The following ASTN2 variants were observed in gnomAD, a reference collection of about 807,000 sequenced individuals.
ASTN2 encodes astrotactin-2.
In ASTN2, 54 loss-of-function variants were observed where a neutral mutation model predicts 139.8. The observed-to-expected ratio is 0.39, with a 90% confidence interval of 0.31 to 0.48. The LOEUF is 0.48. ASTN2 is among the 20% of genes least tolerant of loss of function. ASTN2 has a pLI of 0.95. For synonymous variants in ASTN2, 756 were observed against 719.5 expected, an observed-to-expected ratio of 1.05 and a Z score of -0.81; for missense variants, 1,565 against 1,725.1, an observed-to-expected ratio of 0.91 and a Z score of 1.64.
At chr9:116,744,256 A>G (rs887574872) in intron 13 of ASTN2, among the ~76,000 whole-genome samples, 2 of 152,182 alleles carry the variant, frequency 1.3e-5, no homozygotes, top group Non-Finnish European at 2.9e-5. Context: ...TCAAGATGCT[A>G]AAGCAGCGAG....
intron 4 of ASTN2, among the ~76,000 whole-genome samples, chr9:117,109,957 G>T (rs1324730499): frequency 6.6e-6 from 1 of 151,896 alleles, no homozygotes; most frequent in Non-Finnish European, 1.5e-5. Context: ...TTAATTGTCT[G>T]TGATTATTTG....
chr9:116,973,548 G>C (rs1354881371), intron 10 of ASTN2, among the ~76,000 whole-genome samples: 4 of 152,170 alleles, frequency 2.6e-5, no homozygotes, highest in Non-Finnish European at 5.9e-5. Flanking sequence ...AATGTCAACA[G>C]GACAGAACTA....
chr9:116,895,669 T>C (rs1206931106), intron 10 of ASTN2, among the ~76,000 whole-genome samples: 1 of 152,220 alleles, frequency 6.6e-6, no homozygotes, highest in South Asian at 2.1e-4. Flanking sequence ...AAGACTGTAT[T>C]GATTTTCTGC....
rs191365417 is a variant in ASTN2 at position 116,528,537 on chromosome 9, C to G, written c.3356-41037G>C. Among the ~76,000 whole-genome samples, 42 of 152,250 alleles carry G rather than the reference C, an allele frequency of 2.8e-4. No homozygotes were observed. In the East Asian group the frequency reaches 7.3e-3, roughly 27 times the overall value. On this transcript the variant is annotated intron_variant, in intron 19 of 22. Transcript: ENST00000313400. Reference sequence around the variant, plus strand: ...TGCCCATGTGGTAGAAAAGAAAAACCCATTTTTTGCAGAGAAATTCAAGCC... The same window carrying G: ...TGCCCATGTGGTAGAAAAGAAAAACGCATTTTTTGCAGAGAAATTCAAGCC...
At chr9:116,630,134 G>C (rs1885245) in intron 17 of ASTN2, among the ~76,000 whole-genome samples, 104,329 of 152,082 alleles carry the variant, frequency 0.69, 36,301 homozygotes, top group African/African-American at 0.8. Context: ...TTAATTTGTA[G>C]AGCAACACCA....
chr9:117,237,041 G>C (rs1032802397), intron 2 of ASTN2, among the ~76,000 whole-genome samples: 9 of 152,184 alleles, frequency 5.9e-5, no homozygotes, highest in Non-Finnish European at 1.2e-4. Flanking sequence ...CAGGATCACA[G>C]AGTGGGTGAG....
chr9:116,836,242 G>A (rs553954922), intron 11 of ASTN2, among the ~76,000 whole-genome samples: 100 of 150,822 alleles, frequency 6.6e-4, no homozygotes, highest in African/African-American at 4.5e-4. Flanking sequence ...ATGCTGGTCC[G>A]TGGTGAATGT....
intron 2 of ASTN2, among the ~76,000 whole-genome samples, chr9:117,272,819 T>C (rs1266098907): frequency 2.0e-5 from 3 of 152,206 alleles, no homozygotes; most frequent in African/African-American, 2.4e-5. Flanking sequence ...TTATTGTTCA[T>C]ATCACTATCA....
intron 2 of ASTN2, among the ~76,000 whole-genome samples, chr9:117,272,799 G>C (rs1185633126): frequency 6.6e-6 from 1 of 152,104 alleles, no homozygotes; most frequent in East Asian, 1.9e-4. Flanking sequence ...AGACCACCTC[G>C]GCCTGGACCT....
intron 13 of ASTN2, among the ~76,000 whole-genome samples, chr9:116,779,146 G>A (rs941229596): frequency 2.0e-5 from 3 of 152,012 alleles, no homozygotes; most frequent in Non-Finnish European, 2.9e-5. Context: ...GTTATGGTCT[G>A]TCCCCAAAAC....
At chr9:117,294,549 A>G (rs949650782) in intron 1 of ASTN2, among the ~76,000 whole-genome samples, 2 of 152,248 alleles carry the variant, frequency 1.3e-5, no homozygotes, top group African/African-American at 4.8e-5. Context: ...ACACCTACTC[A>G]ATCCCAGGCA....
At chr9:117,099,107 C>CAA (rs34900374) in intron 4 of ASTN2, among the ~76,000 whole-genome samples, 7,521 of 116,712 alleles carry the variant, frequency 0.064, 526 homozygotes, top group East Asian at 0.19. Context: ...ACTCCGTCTC[C>CAA]AAAAAAAAAA....
chr9:117,073,772 T>C (rs2132713406), intron 5 of ASTN2, among the ~76,000 whole-genome samples: 1 of 152,222 alleles, frequency 6.6e-6, no homozygotes, highest in East Asian at 1.9e-4. Context: ...GGCGGTGGAA[T>C]TTCTCTGTTA....
intron 5 of ASTN2, among the ~76,000 whole-genome samples, chr9:117,065,926 A>T (rs1304797668): frequency 6.6e-6 from 1 of 152,102 alleles, no homozygotes; most frequent in Non-Finnish European, 1.5e-5. Flanking sequence ...TTTGAACCTC[A>T]TCTTTAAAAT....
At chr9:117,177,779 T>C (rs1389876450) in intron 3 of ASTN2, among the ~76,000 whole-genome samples, 1 of 152,216 alleles carries the variant, frequency 6.6e-6, no homozygotes, top group Non-Finnish European at 1.5e-5. Flanking sequence ...TATTGTTATA[T>C]GCAGCAACCT....
chr9:116,826,469 C>T (rs912382303), intron 11 of ASTN2, among the ~76,000 whole-genome samples: 3 of 152,180 alleles, frequency 2.0e-5, no homozygotes, highest in Admixed American at 6.5e-5. Context: ...CCACACTCTC[C>T]TAAGCACACT....
chr9:117,322,775 G>T lies in ASTN2; in HGVS notation c.443-31262C>A, dbSNP rs1305401045. Among the ~76,000 whole-genome samples the T allele has an allele frequency of 2.6e-5, 4 of 152,140 alleles. No individual in the cohort carries two copies. In the East Asian group the frequency reaches 7.8e-4, roughly 30 times the overall value. On this transcript the variant is annotated intron_variant, in intron 1 of 22. Coordinates refer to ENST00000313400, the MANE Select transcript of ASTN2 (RefSeq NM_001365068.1). ...GAGCTTTGTTGATGTGTATGCCTGG[G>T]CCCCCAGCACAGGCACAAGTTGGGC...
At chr9:116,812,467 C>G (rs1380663041) in intron 12 of ASTN2, among the ~76,000 whole-genome samples, 1 of 152,120 alleles carries the variant, frequency 6.6e-6, no homozygotes, top group African/African-American at 2.4e-5. Context: ...CAGATGCTCC[C>G]TAGCAGTTGG....
At chr9:116,997,145 C>T (rs983695525) in intron 7 of ASTN2, among the ~76,000 whole-genome samples, 12 of 152,094 alleles carry the variant, frequency 7.9e-5, no homozygotes, top group Non-Finnish European at 1.6e-4. Flanking sequence ...ATGGGACTGG[C>T]AAGTTCCCAA....
Sources: allele counts gnomAD v4.1 joint callset (sites outside exome capture counted in the v4.1 genomes callset), GRCh38; gene constraint gnomAD v4.1.1; transcripts MANE v1.5; gene names NCBI Gene and HGNC (gene_info 2026-07-23, HGNC 2026-07-21).